The following SLC16A3 variants were observed in gnomAD, a reference collection of about 807,000 sequenced individuals.
SLC16A3 encodes monocarboxylate transporter 4.
SLC16A3 carries 22 observed loss-of-function variants against 25.0 expected under a neutral mutation model. The ratio of observed to expected loss-of-function variants is 0.88; its 90% CI spans 0.63 to 1.26. SLC16A3 has a LOEUF of 1.26. Among genes scored for constraint, SLC16A3 ranks in the 50% most tolerant of loss-of-function variants. The pLI is 0.00. For missense variants in SLC16A3, 731 were observed against 666.6 expected (o/e 1.10, Z -1.06); for synonymous variants, 390 against 309.2 (o/e 1.26, Z -2.74).
upstream of SLC16A3, among the ~76,000 whole-genome samples, chr17:82,223,454 G>T (rs1447707757): frequency 6.6e-6 from 1 of 152,126 alleles, no homozygotes. Flanking sequence ...CTCTCAAAGT[G>T]CTGGGATTAT....
chr17:82,233,864 A>G (rs113088757), intron 1 of SLC16A3: 25,438 of 151,380 alleles, frequency 0.17, 5,335 homozygotes, highest in African/African-American at 0.5. Flanking sequence ...TTTTTGAGAC[A>G]GAGTCTCGCT....
At chr17:82,236,558 C>T (rs1229775079) in intron 2 of SLC16A3, 171 bp from the exon 3 acceptor site, 9 of 909,832 alleles carry the variant, frequency 9.9e-6, no homozygotes, top group East Asian at 5.1e-5. Flanking sequence ...GCGGCGCTCA[C>T]GTGTCATCAT....
chr17:82,219,606 C>T (rs2050376626), intron 1 of SLC16A3, among the ~76,000 whole-genome samples: 1 of 152,180 alleles, frequency 6.6e-6, no homozygotes, highest in African/African-American at 2.4e-5. Context: ...GGTGGCCGCC[C>T]CTGAGCAGGG....
intron 1 of SLC16A3, chr17:82,230,237 G>A (rs1010478101): frequency 6.6e-6 from 1 of 152,514 alleles, no homozygotes; most frequent in African/African-American, 2.4e-5. Flanking sequence ...AAGGAACTGA[G>A]GAGGTGCTAG....
intron 1 of SLC16A3, chr17:82,233,668 T>C (rs1340755115): frequency 6.6e-6 from 1 of 152,244 alleles, no homozygotes; most frequent in Non-Finnish European, 1.5e-5. Context: ...TATTCCTGTT[T>C]GTTGTATACA....
At position 82,238,673 on chromosome 17, in the gene SLC16A3, C is replaced by T. The variant is rs370350533; in HGVS notation, c.1124-29C>T. The T allele has an allele frequency of 2.0e-4, 318 of 1,585,464 alleles. No homozygotes were observed. In the African/African-American group the frequency reaches 3.4e-3, roughly 17 times the overall value. On this transcript the variant is annotated intron_variant, in intron 4 of 4. Coordinates refer to ENST00000582743, the MANE Select transcript of SLC16A3 (RefSeq NM_004207.4). ...GGGCCCTGGGGGCAGCCCGCATGAG[C>T]GGCTGGGACTGACGGGGTCTTCCCG...
chr17:82,220,784 A>G (rs1555786160), intron 1 of SLC16A3, among the ~76,000 whole-genome samples: 1 of 152,064 alleles, frequency 6.6e-6, no homozygotes, highest in Non-Finnish European at 1.5e-5. Flanking sequence ...AATATCACAA[A>G]ACTCTCAGAA....
intron 4 of SLC16A3, 69 bp downstream of exon 4, chr17:82,237,962 G>C (rs1330150220): frequency 6.6e-7 from 1 of 1,526,372 alleles, no homozygotes; most frequent in Non-Finnish European, 8.8e-7. Flanking sequence ...TTGCGAGGGG[G>C]GGGACGCGCA....
chr17:82,227,621 CCACCTGCCCT>C (rs2050433400), upstream of SLC16A3, among the ~76,000 whole-genome samples: 5 of 28,968 alleles, frequency 1.7e-4, no homozygotes, highest in Admixed American at 6.0e-4. Flanking sequence ...GGCGGGAGCA[CCACCTGCCCT>C]GGGCGGGAGC....
Position 82,236,717 on chromosome 17 carries a change from T to G in SLC16A3, c.224-12T>G. On this transcript the variant is annotated splice_polypyrimidine_tract_variant and intron_variant, in intron 2 of 4. Transcript: ENST00000582743. Reference sequence around the variant, plus strand: ...TGCAGGCCCGGCCCCTCTCAGCTGCTGCCCTCTCCAGGTCCGCTCTGCAGT... The same window carrying G: ...TGCAGGCCCGGCCCCTCTCAGCTGCGGCCCTCTCCAGGTCCGCTCTGCAGT... 11 of 1,602,176 alleles carry G rather than the reference T, an allele frequency of 6.9e-6. No homozygotes were observed. The highest frequency in any genetic ancestry group is 9.3e-6 in the Non-Finnish European group (11 of 1,178,208).
At position 82,237,867 on chromosome 17, in the gene SLC16A3, C is replaced by T; in HGVS notation, c.1097C>T (p.Ala366Val). ...IGLVLLMEAVAVLVGPPSGGK... is the reference protein window; with the variant it reads ...IGLVLLMEAVVVLVGPPSGGK... ...CTGGTGCTGCTGATGGAGGCGGTGGCCGTGCTCGTCGGGCCCCCTTCGGGA... is the reference window on the plus strand; with the variant it reads ...CTGGTGCTGCTGATGGAGGCGGTGGTCGTGCTCGTCGGGCCCCCTTCGGGA... Residue 366 changes from alanine (A) to valine (V), a missense_variant, in exon 4 of 5, where the codon GCC becomes GTC. Coordinates refer to ENST00000582743, the MANE Select transcript of SLC16A3 (RefSeq NM_004207.4). 6.2e-7 allele frequency: 1 copy of T among 1,601,362 alleles called. No homozygotes were observed. Among genetic ancestry groups the T allele is most frequent in the Non-Finnish European group, 8.5e-7 (1 of 1,179,786 alleles).
intron 1 of SLC16A3, among the ~76,000 whole-genome samples, chr17:82,222,386 G>T (rs1334784178): frequency 2.0e-5 from 3 of 152,262 alleles, no homozygotes; most frequent in Non-Finnish European, 4.4e-5. Flanking sequence ...ACTGGCCCAG[G>T]AATGTCCGTG....
chr17:82,237,156 A>G lies in SLC16A3; in HGVS notation c.386A>G (p.Asn129Ser). The change falls in exon 4 of 5, where the codon AAC becomes AGC. Residue 129 changes from asparagine (N) to serine (S), a missense_variant. Physicochemically the swap from Asn to Ser is conservative, Grantham distance 46. Transcript: ENST00000582743. ...CCTCCAGGGTTGGGTTTGGCACTCA[A>G]CTTCCAGCCCTCGCTCATCATGCTG... ...GVITGLGLAL[N>S]FQPSLIMLNR... The G allele has an allele frequency of 6.6e-7, 1 of 1,509,702 alleles. No homozygotes were observed. The highest frequency in any genetic ancestry group is 2.2e-5 in the Admixed American group (1 of 45,468). The allele number at this position is 1,509,702 out of a possible 1,614,324, so 93.5% of individuals were successfully genotyped here.
intron 3 of SLC16A3, 50 bp downstream of exon 3, chr17:82,236,922 G>A (rs763864603): frequency 1.8e-5 from 28 of 1,589,970 alleles, no homozygotes; most frequent in Middle Eastern, 1.9e-4. Context: ...GGCAGGGGCC[G>A]TGCACTTCTG....
Position 82,239,173 on chromosome 17 carries a change from G to A in SLC16A3, c.*197G>A, listed in dbSNP as rs1237920757. 20 of 517,658 alleles carry A rather than the reference G, an allele frequency of 3.9e-5. No homozygotes were observed. The highest frequency in any genetic ancestry group is 8.0e-5 in the South Asian group (2 of 24,922). 32.1% of individuals were successfully genotyped at this position (517,658 alleles called of 1,614,324 possible). On this transcript the variant is annotated 3_prime_UTR_variant, in exon 5 of 5. Transcript: ENST00000582743. ...CCGTGTCATTCCAGAGTGGATCTGC[G>A]GTGAAGCCAAGCCGCAAGGTTACAA...
intron 4 of SLC16A3, 52 bp from the exon 5 acceptor site, chr17:82,238,650 G>A (rs1292305432): frequency 1.3e-6 from 2 of 1,553,130 alleles, no homozygotes; most frequent in African/African-American, 2.7e-5. Flanking sequence ...GGAGCCGTGG[G>A]CCCTGGGGGC....
At chr17:82,228,046 G>T (rs1336677412), upstream of SLC16A3, among the ~76,000 whole-genome samples, 2 of 152,192 alleles carry the variant, frequency 1.3e-5, no homozygotes, top group Non-Finnish European at 2.9e-5. Flanking sequence ...GAAGGCACGG[G>T]CTTACCAGTG....
At chr17:82,227,569 T>TGGGAGCACCACCGGCCCTGGGC (rs2050431614), upstream of SLC16A3, among the ~76,000 whole-genome samples, 2 of 122,134 alleles carry the variant, frequency 1.6e-5, no homozygotes, top group African/African-American at 9.5e-5. Flanking sequence ...TGCAGGAAGA[T>TGGGAGCACCACCGGCCCTGGGC]GGGAGCACCA....
chr17:82,236,277 C>T (rs773272067), intron 2 of SLC16A3, 46 bp downstream of exon 2: 52 of 1,558,006 alleles, frequency 3.3e-5, no homozygotes, highest in Admixed American at 1.3e-4. Context: ...GCTCTGCTGG[C>T]GGATCCTGCT....
Sources: gnomAD v4.1 joint callset for allele counts (sites outside exome capture counted in the v4.1 genomes callset) on GRCh38, gnomAD v4.1.1 for gene constraint, MANE v1.5 for transcripts, NCBI Gene and HGNC (gene_info 2026-07-23, HGNC 2026-07-21) for gene names.